The following CUX2 variants were observed in gnomAD, a reference collection of about 807,000 sequenced individuals.
CUX2 encodes homeobox protein cut-like 2.
Under a neutral mutation model 144.8 loss-of-function variants are expected in CUX2, and 40 were observed. The ratio of observed to expected loss-of-function variants is 0.28; its 90% CI spans 0.21 to 0.36. The LOEUF (loss-of-function observed/expected upper bound fraction) is 0.36. CUX2 is among the 10% of genes least tolerant of loss of function. The pLI is 1.00. For synonymous variants in CUX2, 827 were observed against 875.6 expected, an observed-to-expected ratio of 0.94 and a Z score of 0.98; for missense variants, 1,615 against 1,994.0, an observed-to-expected ratio of 0.81 and a Z score of 3.62.
rs1885772720 is a variant in CUX2 at position 111,293,026 on chromosome 12, G to A, written c.437-420G>A. ...TAATCCCAGGTACTCGGGAGGCTGA[G>A]GCGGGAGAATCGCTTGAACCCAGGA... is the stretch of plus-strand genomic sequence containing the variant. On this transcript the variant is annotated intron_variant, in intron 5 of 21. Coordinates refer to ENST00000261726, the MANE Select transcript of CUX2 (RefSeq NM_015267.4). This position sits in a 1 kb window ranked among gnomAD's most constrained non-coding sequence, Gnocchi z 4.5. 6.6e-6 allele frequency among the ~76,000 whole-genome samples: 1 copy of A among 152,112 alleles called. No homozygotes were observed.
chr12:111,161,258 T>G (rs540769231), intron 1 of CUX2, among the ~76,000 whole-genome samples: 2 of 152,238 alleles, frequency 1.3e-5, no homozygotes, highest in East Asian at 3.9e-4. Context: ...GGATGCACCC[T>G]CTGGGGACTC....
intron 3 of CUX2, among the ~76,000 whole-genome samples, chr12:111,231,653 A>G (rs1381901008): frequency 6.6e-6 from 1 of 152,264 alleles, no homozygotes; most frequent in Non-Finnish European, 1.5e-5. Context: ...CATGGGTTCC[A>G]TGAACTCAAC....
At chr12:111,248,044 C>T (rs1007806502) in intron 3 of CUX2, among the ~76,000 whole-genome samples, 2 of 152,130 alleles carry the variant, frequency 1.3e-5, no homozygotes, top group Non-Finnish European at 2.9e-5. Context: ...TACAGGTGCC[C>T]GCCACCACGC....
chr12:111,151,877 G>A (rs1877072541), intron 1 of CUX2, among the ~76,000 whole-genome samples: 1 of 152,138 alleles, frequency 6.6e-6, no homozygotes, highest in Admixed American at 6.5e-5. Flanking sequence ...AGTCATTCGA[G>A]TATTTACTGA....
chr12:111,197,911 C>T (rs529893437), intron 1 of CUX2, among the ~76,000 whole-genome samples: 9 of 152,312 alleles, frequency 5.9e-5, no homozygotes, highest in Non-Finnish European at 1.2e-4. Context: ...AGCAGTGCCC[C>T]CACTCAAGCC....
At position 111,267,224 on chromosome 12, in the gene CUX2, A is replaced by AAGGG. The variant is rs1251730292; in HGVS notation, c.301+3397_301+3400dup. 3.3e-5 allele frequency among the ~76,000 whole-genome samples: 5 copies of AAGGG among 151,380 alleles called. No homozygotes were observed. The South Asian group carries it at 1.0e-3, about 32-fold the overall frequency. ...AAAAAAAAAAAAAAAAAAAGAAAGAAAGGGAGGGAGGGAGGAAGGAAGGAC... is the reference window on the plus strand; with the variant it reads ...AAAAAAAAAAAAAAAAAAAGAAAGAAAGGGAGGGAGGGAGGGAGGAAGGAAGGAC... On this transcript the variant is annotated intron_variant, in intron 4 of 21. Transcript: ENST00000261726.
chr12:111,079,269 G>T (rs1199031702), intron 1 of CUX2, among the ~76,000 whole-genome samples: 4 of 152,230 alleles, frequency 2.6e-5, no homozygotes, highest in Non-Finnish European at 5.9e-5. Flanking sequence ...TGGGGTGGGT[G>T]GGGGATTTAC....
intron 1 of CUX2, among the ~76,000 whole-genome samples, chr12:111,184,573 CAAAAAAAAA>C (rs71445536): frequency 0.048 from 2,230 of 46,912 alleles, 67 homozygotes; most frequent in South Asian, 0.28. Context: ...TTCTCTCTAC[CAAAAAAAAA>C]AAAAAAAAAA....
chr12:111,077,216 G>C lies in CUX2; in HGVS notation c.63+42976G>C, dbSNP rs11830764. 0.21 allele frequency among the ~76,000 whole-genome samples: 32,663 copies of C among 152,120 alleles called. 7,249 individuals are homozygous for C. Among genetic ancestry groups the C allele is most frequent in the African/African-American group, 0.57 (23,741 of 41,458 alleles). On this transcript the variant is annotated intron_variant, in intron 1 of 21. Coordinates refer to ENST00000261726, the MANE Select transcript of CUX2 (RefSeq NM_015267.4). This position sits in a 1 kb window ranked among gnomAD's most constrained non-coding sequence, Gnocchi z 4.1. The stretch of plus-strand genomic sequence containing the variant: ...AAATAGTGCTCCCAAACCCCGCAGC[G>C]CCCCCGAGGCCCAAGCTGGCCTCTG...
At chr12:111,220,955 A>G (rs1223492206) in intron 3 of CUX2, among the ~76,000 whole-genome samples, 1 of 150,246 alleles carries the variant, frequency 6.7e-6, no homozygotes, top group Non-Finnish European at 1.5e-5. Context: ...AAAAAAAAAA[A>G]AAAAAAGGAA....
chr12:111,092,805 ATTTTTTTT>A (rs528129107), intron 1 of CUX2, among the ~76,000 whole-genome samples: 6 of 106,036 alleles, frequency 5.7e-5, no homozygotes, highest in African/African-American at 1.4e-4. Flanking sequence ...GCTCTGGCAG[ATTTTTTTT>A]TTTTTTTTTT....
At position 111,104,958 on chromosome 12, in the gene CUX2, TGG is replaced by T. The variant is rs1049261584; in HGVS notation, c.63+70721_63+70722del. Among the ~76,000 whole-genome samples, 5 of 152,228 alleles carry T rather than the reference TGG, an allele frequency of 3.3e-5. No individual in the cohort carries two copies. The South Asian group carries it at 6.2e-4, about 19-fold the overall frequency. ...CCCTGTGGCTCCCATATTGGATGAA[TGG>T]GGCGTGAGTCTTGGTGGTTCTACCC... On this transcript the variant is annotated intron_variant, in intron 1 of 21. Transcript: ENST00000261726.
intron 3 of CUX2, 105 bp downstream of exon 3, chr12:111,218,042 G>C: frequency 8.3e-7 from 1 of 1,203,032 alleles, no homozygotes; most frequent in Non-Finnish European, 1.2e-6. Context: ...AGAAGCTTTG[G>C]AGAAGCTTCC....
Position 111,322,497 on chromosome 12 carries a change from G to A in CUX2, c.2843G>A (p.Gly948Glu). ...PKPWSKLTQK[G>E]REPFIRMQLW... ...CCATGGAGCAAGCTGACGCAGAAGG[G>A]GCGGGAGCCCTTCATCCGCATGCAG... is the stretch of plus-strand genomic sequence containing the variant. Residue 948 changes from glycine (G) to glutamate (E), a missense_variant, in exon 18 of 22, where the codon GGG becomes GAG. This residue lies in a region of CUX2 where 17 missense variants were observed against 68.7 expected (regional missense o/e 0.25). Coordinates refer to ENST00000261726, the MANE Select transcript of CUX2 (RefSeq NM_015267.4). The surrounding 1 kb of genome is among the most constrained non-coding windows in gnomAD (Gnocchi z 4.2). 6.2e-7 allele frequency: 1 copy of A among 1,603,464 alleles called. No homozygotes were observed. The highest frequency in any genetic ancestry group is 8.5e-7 in the Non-Finnish European group (1 of 1,176,612).
At chr12:111,253,294 G>A (rs1227250426) in intron 3 of CUX2, among the ~76,000 whole-genome samples, 2 of 147,528 alleles carry the variant, frequency 1.4e-5, no homozygotes, top group Non-Finnish European at 3.0e-5. Context: ...GACCCCCAGG[G>A]CTCTTCCCCC....
intron 3 of CUX2, among the ~76,000 whole-genome samples, chr12:111,241,236 A>T (rs1308081271): frequency 6.6e-6 from 1 of 152,128 alleles, no homozygotes; most frequent in Non-Finnish European, 1.5e-5. Flanking sequence ...GCTCTCAGGA[A>T]ATAATCCATT....
At chr12:111,337,938 G>A (rs558890983) in intron 19 of CUX2, among the ~76,000 whole-genome samples, 15 of 152,242 alleles carry the variant, frequency 9.9e-5, no homozygotes, top group African/African-American at 3.4e-4. Context: ...GGGAGGCTGA[G>A]GCAGGAGAAT....
intron 18 of CUX2, among the ~76,000 whole-genome samples, chr12:111,330,672 T>C (rs1288530166): frequency 8.7e-6 from 1 of 114,404 alleles, no homozygotes; most frequent in Non-Finnish European, 1.8e-5. Context: ...TATCTCTATT[T>C]AAAAATACAT....
chr12:111,217,834 C>A (rs538618350), intron 2 of CUX2, 56 bp from the exon 3 acceptor site: 5 of 1,587,222 alleles, frequency 3.2e-6, no homozygotes, highest in Non-Finnish European at 4.3e-6. Context: ...CAAGCAGGGG[C>A]CACGGGGGCG....
Sources: gnomAD v4.1 joint callset for allele counts (sites outside exome capture counted in the v4.1 genomes callset) on GRCh38, gnomAD v4.1.1 for gene constraint, gnomAD v4.1.1 regional missense constraint, Gnocchi (gnomAD v3.1) non-coding constraint, MANE v1.5 for transcripts, NCBI Gene and HGNC (gene_info 2026-07-23, HGNC 2026-07-21) for gene names.